Variants in VSTM5 observed in about 807,000 individuals in gnomAD.
VSTM5 encodes the protein V-set and transmembrane domain-containing protein 5.
VSTM5 carries 21 observed loss-of-function variants against 20.3 expected under a neutral mutation model. The observed-to-expected ratio is 1.03, with a 90% CI of 0.73 to 1.49. The LOEUF is 1.49. Among genes scored for constraint, VSTM5 ranks in the 40% most tolerant of loss-of-function variants. The pLI is 0.00. For missense variants in VSTM5, 219 were observed against 250.0 expected (o/e 0.88, Z 0.84); for synonymous variants, 100 against 102.5 (o/e 0.98, Z 0.14).
At chr11:93,848,897 A>G (rs1338835573) in intron 1 of VSTM5, among the ~76,000 whole-genome samples, 1 of 152,120 alleles carries the variant, frequency 6.6e-6, no homozygotes, top group African/African-American at 2.4e-5. Context: ...CAAGTGATAA[A>G]GGTTTGAGAA....
chr11:93,822,987 A>G (rs1488113528), intron 1 of VSTM5, among the ~76,000 whole-genome samples: 1 of 152,186 alleles, frequency 6.6e-6, no homozygotes, highest in African/African-American at 2.4e-5. Flanking sequence ...GGTTACTAAC[A>G]GGTTAATATC....
At chr11:93,834,905 G>C (rs1166311449) in intron 1 of VSTM5, among the ~76,000 whole-genome samples, 1 of 152,046 alleles carries the variant, frequency 6.6e-6, no homozygotes, top group African/African-American at 2.4e-5. Flanking sequence ...TTGCCTTCAT[G>C]AATGAACGAA....
chr11:93,836,057 T>C (rs1279265178), intron 1 of VSTM5, among the ~76,000 whole-genome samples: 3 of 152,184 alleles, frequency 2.0e-5, no homozygotes, highest in South Asian at 4.1e-4. Context: ...GCCAGTCAGC[T>C]CCACAGGACA....
chr11:93,848,300 G>C (rs1314911695), intron 1 of VSTM5, among the ~76,000 whole-genome samples: 1 of 152,194 alleles, frequency 6.6e-6, no homozygotes, highest in Admixed American at 6.5e-5. Context: ...CAAAGCACAG[G>C]CTTCATTCAG....
chr11:93,819,312 T>A lies in VSTM5; in HGVS notation c.*1257A>T, dbSNP rs879099776. On this transcript the variant is annotated 3_prime_UTR_variant, in exon 4 of 4. Transcript: ENST00000409977. ...AGAGAATGGAAAATAAATCCATGCC[T>A]GCTTTTAGAGCTTGTCAAATGGAAG... 8 of 152,238 alleles carry A rather than the reference T, an allele frequency of 5.3e-5. No individual in the cohort carries two copies. The East Asian group carries it at 1.5e-3, about 29-fold the overall frequency. The allele number at this position is 152,238 out of a possible 1,614,324, so 9.4% of individuals were successfully genotyped here.
chr11:93,841,070 C>G (rs896552087), intron 1 of VSTM5, among the ~76,000 whole-genome samples: 9 of 150,756 alleles, frequency 6.0e-5, no homozygotes, highest in Non-Finnish European at 1.2e-4. Context: ...GGCCCAGAGG[C>G]TACTCTCTCT....
chr11:93,826,463 T>C (rs1944239046), intron 1 of VSTM5, among the ~76,000 whole-genome samples: 1 of 151,878 alleles, frequency 6.6e-6, no homozygotes, highest in Admixed American at 6.6e-5. Flanking sequence ...AGTGGCACGA[T>C]CTCAGCTCAC....
rs59949447 is a variant in VSTM5 at position 93,837,011 on chromosome 11, G to GCACACACACACACACACACACA, written c.91+13379_91+13400dup. Among the ~76,000 whole-genome samples, 16 of 140,832 alleles carry GCACACACACACACACACACACA rather than the reference G, an allele frequency of 1.1e-4. No homozygotes were observed. In the East Asian group the frequency reaches 2.6e-3, roughly 23 times the overall value. The allele number at this position is 140,832 out of a possible 152,430, so 92.4% of individuals were successfully genotyped here. On this transcript the variant is annotated intron_variant, in intron 1 of 3. Transcript: ENST00000409977. ...CTTCTTTTTGCCTGAAAAAAAAAAT[G>GCACACACACACACACACACACA]CACACACACACACACACACACACAC...
chr11:93,839,165 C>G (rs537591005), intron 1 of VSTM5, among the ~76,000 whole-genome samples: 1 of 152,234 alleles, frequency 6.6e-6, no homozygotes, highest in Non-Finnish European at 1.5e-5. Flanking sequence ...AGAGTGTGAA[C>G]TTAGGATGCG....
intron 1 of VSTM5, among the ~76,000 whole-genome samples, chr11:93,849,005 G>A (rs1944436076): frequency 6.6e-6 from 1 of 152,228 alleles, no homozygotes; most frequent in Admixed American, 6.5e-5. Context: ...AGAGGAACAT[G>A]CCTCTGTCTT....
intron 1 of VSTM5, among the ~76,000 whole-genome samples, chr11:93,830,346 C>T (rs904584976): frequency 2.0e-5 from 3 of 152,180 alleles, no homozygotes; most frequent in African/African-American, 7.2e-5. Flanking sequence ...CCTAAACAGC[C>T]GGGAACAGCT....
chr11:93,849,130 T>C (rs1047367734), intron 1 of VSTM5, among the ~76,000 whole-genome samples: 3 of 150,868 alleles, frequency 2.0e-5, no homozygotes, highest in Non-Finnish European at 4.4e-5. Flanking sequence ...TATTATTTTT[T>C]CTCTCTCTCT....
At chr11:93,827,955 A>G (rs567891593) in intron 1 of VSTM5, among the ~76,000 whole-genome samples, 1 of 152,326 alleles carries the variant, frequency 6.6e-6, no homozygotes, top group South Asian at 2.1e-4. Flanking sequence ...GTTAACAGGA[A>G]TTGCCCCTCA....
chr11:93,819,334 G>C lies in VSTM5; in HGVS notation c.*1235C>G, dbSNP rs767174224. ...GCCTGCTTTTAGAGCTTGTCAAATG[G>C]AAGTTGGGATGGAGAAACTTACAGG... On this transcript the variant is annotated 3_prime_UTR_variant, in exon 4 of 4. Coordinates refer to ENST00000409977, the MANE Select transcript of VSTM5 (RefSeq NM_001144871.2). The C allele has an allele frequency of 2.0e-5, 3 of 152,230 alleles. No homozygotes were observed. The highest frequency in any genetic ancestry group is 6.5e-5 in the Admixed American group (1 of 15,268). 9.4% of individuals were successfully genotyped at this position (152,230 alleles called of 1,614,324 possible).
At chr11:93,821,516 C>T (rs1393720194) in intron 1 of VSTM5, 193 bp from the exon 2 acceptor site, 2 of 598,826 alleles carry the variant, frequency 3.3e-6, no homozygotes, top group East Asian at 5.6e-5. Context: ...GCTCTCTACA[C>T]ACAGAGCAAC....
At chr11:93,842,091 T>C (rs950815400) in intron 1 of VSTM5, among the ~76,000 whole-genome samples, 2 of 152,226 alleles carry the variant, frequency 1.3e-5, no homozygotes, top group African/African-American at 4.8e-5. Flanking sequence ...AGACAATATA[T>C]GTAAAGAGCT....
chr11:93,823,722 T>C (rs1565299276), intron 1 of VSTM5, among the ~76,000 whole-genome samples: 1 of 152,236 alleles, frequency 6.6e-6, no homozygotes, highest in Non-Finnish European at 1.5e-5. Flanking sequence ...CAGGATTTTC[T>C]TCTTCATATG....
Position 93,821,319 on chromosome 11 carries a change from C to A in VSTM5, c.96G>T (p.Gln32His). ...CCTGAGGAATGTATAGGGACACACCCTGACCTGCAGGATGATATGCTGGAT... is the reference window on the plus strand; with the variant it reads ...CCTGAGGAATGTATAGGGACACACCATGACCTGCAGGATGATATGCTGGAT... Reference protein sequence around the residue: ...CLAAARCLQSQGVSLYIPQAT... With the variant: ...CLAAARCLQSHGVSLYIPQAT... Residue 32 changes from glutamine (Q) to histidine (H), a missense_variant, in exon 2 of 4, where the codon CAG becomes CAT. Gln to His is a conservative substitution (Grantham distance 24). Coordinates refer to ENST00000409977, the MANE Select transcript of VSTM5 (RefSeq NM_001144871.2). 6.5e-7 allele frequency: 1 copy of A among 1,549,910 alleles called. No individual in the cohort carries two copies.
intron 1 of VSTM5, among the ~76,000 whole-genome samples, chr11:93,836,887 T>G (rs1944327231): frequency 6.6e-6 from 1 of 152,026 alleles, no homozygotes; most frequent in Non-Finnish European, 1.5e-5. Context: ...TCTGGAGGTA[T>G]GGGGTACAGA....
Sources: allele counts gnomAD v4.1 joint callset (sites outside exome capture counted in the v4.1 genomes callset), GRCh38; gene constraint gnomAD v4.1.1; transcripts MANE v1.5; gene names NCBI Gene and HGNC (gene_info 2026-07-23, HGNC 2026-07-21).